Variants in MGAT4C observed in about 807,000 individuals in gnomAD.
MGAT4C encodes alpha-1,3-mannosyl-glycoprotein 4-beta-N-acetylglucosaminyltransferase C.
MGAT4C carries 19 observed loss-of-function variants against 40.1 expected under a neutral mutation model. The ratio of observed to expected loss-of-function variants is 0.47; its 90% CI spans 0.33 to 0.70. The LOEUF is 0.70. MGAT4C is among the 30% of genes least tolerant of loss of function. The pLI, the probability that MGAT4C is intolerant of heterozygous loss-of-function variation, is 0.02. For missense variants in MGAT4C, 491 were observed against 563.2 expected, an observed-to-expected ratio of 0.87 and a Z score of 1.30; for synonymous variants, 181 against 187.1, an observed-to-expected ratio of 0.97 and a Z score of 0.27.
intron 2 of MGAT4C, among the ~76,000 whole-genome samples, chr12:86,557,482 T>A (rs1959665503): frequency 6.6e-6 from 1 of 152,114 alleles, no homozygotes; most frequent in African/African-American, 2.4e-5. Flanking sequence ...GCCCTCTGGA[T>A]AAGTATGCTC....
intron 2 of MGAT4C, among the ~76,000 whole-genome samples, chr12:86,469,067 G>A (rs986205653): frequency 6.6e-6 from 1 of 151,798 alleles, no homozygotes; most frequent in African/African-American, 2.4e-5. Context: ...AGGATTAATG[G>A]GGCTTGTTCT....
At chr12:86,395,766 A>G (rs1592787158) in intron 3 of MGAT4C, among the ~76,000 whole-genome samples, 1 of 152,318 alleles carries the variant, frequency 6.6e-6, no homozygotes. Context: ...TGTCTTCTCA[A>G]TACAACTTCA....
rs149772446 is a variant in MGAT4C at position 86,824,535 on chromosome 12, G to A, written c.-262+14131C>T. On this transcript the variant is annotated intron_variant, in intron 1 of 7. Coordinates refer to the MGAT4C transcript ENST00000548651. ...CTATCTGCAGTTTAAGCATCTACTGGGGGTCTTGGAAAGTATTCCCTGCAG... is the reference window on the plus strand; with the variant it reads ...CTATCTGCAGTTTAAGCATCTACTGAGGGTCTTGGAAAGTATTCCCTGCAG... Among the ~76,000 whole-genome samples, 66 of 151,238 alleles carry A rather than the reference G, an allele frequency of 4.4e-4. 1 individual carries two copies. The highest frequency in any genetic ancestry group is 1.3e-3 in the Admixed American group (20 of 15,110).
At chr12:86,332,270 T>C (rs1456639672) in intron 4 of MGAT4C, among the ~76,000 whole-genome samples, 1 of 152,192 alleles carries the variant, frequency 6.6e-6, no homozygotes, top group Non-Finnish European at 1.5e-5. Flanking sequence ...ACTGCCACTT[T>C]GCCATTTATT....
chr12:86,453,834 G>C (rs1957465422), intron 2 of MGAT4C, among the ~76,000 whole-genome samples: 1 of 151,854 alleles, frequency 6.6e-6, no homozygotes, highest in African/African-American at 2.4e-5. Flanking sequence ...ATCTATAACT[G>C]TAAGGACTGT....
intron 1 of MGAT4C, among the ~76,000 whole-genome samples, chr12:86,072,192 G>A (rs1868654126): frequency 1.3e-5 from 2 of 152,036 alleles, no homozygotes; most frequent in Admixed American, 6.6e-5. Flanking sequence ...TAAGTGATGT[G>A]CCTGAGGTTA....
chr12:86,554,621 A>T (rs1959523725), intron 2 of MGAT4C, among the ~76,000 whole-genome samples: 1 of 152,170 alleles, frequency 6.6e-6, no homozygotes, highest in Admixed American at 6.5e-5. Flanking sequence ...TCATCAATAC[A>T]TGTAGTTTCA....
At chr12:86,771,726 G>A (rs888059566) in intron 1 of MGAT4C, among the ~76,000 whole-genome samples, 1 of 141,092 alleles carries the variant, frequency 7.1e-6, no homozygotes, top group Non-Finnish European at 1.6e-5. Flanking sequence ...GTGTGTGTAT[G>A]TGTGTGTGTA....
chr12:86,398,768 T>C (rs1198008014), intron 3 of MGAT4C, among the ~76,000 whole-genome samples: 1 of 151,900 alleles, frequency 6.6e-6, no homozygotes, highest in Non-Finnish European at 1.5e-5. Flanking sequence ...CTTTCTGTCT[T>C]GGAGTTGGAC....
At position 86,129,761 on chromosome 12, in the gene MGAT4C, G is replaced by A. The variant is rs1411362779; in HGVS notation, c.-56-80038C>T. On this transcript the variant is annotated intron_variant, in intron 1 of 4. Coordinates refer to ENST00000611864, the MANE Select transcript of MGAT4C (RefSeq NM_001351288.2). ...TTTTTAGTAGAGACGGGGTTTCACC[G>A]TTTTAGCCGGGATGGTCTCGATCTC... Among the ~76,000 whole-genome samples, 3 of 19,518 alleles carry A rather than the reference G, an allele frequency of 1.5e-4. 1 individual carries two copies. Among genetic ancestry groups the A allele is most frequent in the Non-Finnish European group, 2.3e-4 (3 of 12,776 alleles). The allele number at this position is 19,518 out of a possible 152,430, so 12.8% of individuals were successfully genotyped here. A position where few individuals can be genotyped will look rare whatever the true frequency, so the allele number is the denominator to read the frequency against.
At chr12:86,086,008 A>G (rs950192496) in intron 1 of MGAT4C, among the ~76,000 whole-genome samples, 1 of 152,084 alleles carries the variant, frequency 6.6e-6, no homozygotes, top group African/African-American at 2.4e-5. Flanking sequence ...TAGAACTAGA[A>G]ATACCATTTG....
intron 2 of MGAT4C, among the ~76,000 whole-genome samples, chr12:86,019,636 C>G (rs918165145): frequency 1.3e-5 from 2 of 152,140 alleles, no homozygotes; most frequent in Non-Finnish European, 2.9e-5. Flanking sequence ...ATGCCTCCAG[C>G]CTTGTTCTTT....
chr12:86,196,045 A>T (rs1056123591), intron 1 of MGAT4C, among the ~76,000 whole-genome samples: 1 of 152,232 alleles, frequency 6.6e-6, no homozygotes, highest in Non-Finnish European at 1.5e-5. Flanking sequence ...ATAACAAAAC[A>T]TCACAGACTG....
chr12:86,061,739 G>C (rs1021126657), intron 1 of MGAT4C, among the ~76,000 whole-genome samples: 1 of 152,128 alleles, frequency 6.6e-6, no homozygotes. Flanking sequence ...TACCCTCACA[G>C]TGTAAACAAA....
chr12:86,201,873 A>T (rs1950065327), intron 1 of MGAT4C, among the ~76,000 whole-genome samples: 1 of 152,108 alleles, frequency 6.6e-6, no homozygotes, highest in Non-Finnish European at 1.5e-5. Context: ...CATGTTGTCC[A>T]CTAAATTCAT....
intron 1 of MGAT4C, among the ~76,000 whole-genome samples, chr12:86,772,177 G>T (rs1951651456): frequency 6.6e-6 from 1 of 152,166 alleles, no homozygotes; most frequent in Non-Finnish European, 1.5e-5. Flanking sequence ...CATCTCACCA[G>T]AAGCTGGGAT....
At chr12:86,485,482 G>T (rs1459707957) in intron 2 of MGAT4C, among the ~76,000 whole-genome samples, 1 of 114,498 alleles carries the variant, frequency 8.7e-6, no homozygotes, top group South Asian at 4.0e-4. Context: ...AATTAGGAAT[G>T]TCAGAAATTG....
chr12:86,415,308 C>A (rs1327794779), intron 3 of MGAT4C, among the ~76,000 whole-genome samples: 2 of 151,992 alleles, frequency 1.3e-5, no homozygotes, highest in African/African-American at 2.4e-5. Context: ...ATTTCCTCAA[C>A]TCTCATGCAT....
chr12:86,333,871 A>G (rs775290549), intron 4 of MGAT4C, among the ~76,000 whole-genome samples: 116 of 152,264 alleles, frequency 7.6e-4, no homozygotes, highest in Non-Finnish European at 1.2e-3. Flanking sequence ...CTTCAGAGTT[A>G]AGTATCTATT....
Sources: allele counts gnomAD v4.1 joint callset (sites outside exome capture counted in the v4.1 genomes callset), GRCh38; gene constraint gnomAD v4.1.1; transcripts MANE v1.5; gene names NCBI Gene and HGNC (gene_info 2026-07-23, HGNC 2026-07-21).